HCRTR2: variants seen among roughly 807,000 people sequenced by gnomAD.
HCRTR2 encodes the protein orexin receptor type 2.
HCRTR2 carries 22 observed loss-of-function variants against 49.0 expected under a neutral mutation model. That is an observed-to-expected ratio of 0.45 (90% CI 0.32 to 0.64). The LOEUF is 0.64. Among genes scored for constraint, HCRTR2 ranks in the 30% least tolerant of loss-of-function variants. The pLI is 0.04. For synonymous variants in HCRTR2, 236 were observed against 205.3 expected (o/e 1.15, Z -1.28); for missense variants, 491 against 559.4 (o/e 0.88, Z 1.23).
intron 1 of HCRTR2, among the ~76,000 whole-genome samples, chr6:55,242,547 A>C (rs1177647695): frequency 6.6e-6 from 1 of 152,252 alleles, no homozygotes; most frequent in Non-Finnish European, 1.5e-5. Context: ...TATATTTAGT[A>C]CAGATCCTTT....
chr6:55,148,321 C>T (rs1378443563), intron 1 of HCRTR2, among the ~76,000 whole-genome samples: 1 of 151,864 alleles, frequency 6.6e-6, no homozygotes, highest in Non-Finnish European at 1.5e-5. Flanking sequence ...TAAATGATGA[C>T]CAAAAGAATT....
At chr6:55,139,636 G>T (rs1490041761) in intron 1 of HCRTR2, among the ~76,000 whole-genome samples, 1 of 152,140 alleles carries the variant, frequency 6.6e-6, no homozygotes, top group Non-Finnish European at 1.5e-5. Flanking sequence ...AAGATCAAAG[G>T]AGGTAATGTG....
At chr6:55,165,744 AATATATATATAT>A (rs56655240) in intron 1 of HCRTR2, among the ~76,000 whole-genome samples, 1,973 of 128,296 alleles carry the variant, frequency 0.015, 48 homozygotes, top group African/African-American at 0.039. Context: ...TAGTATACAG[AATATATATATAT>A]ATATATATAT....
intron 1 of HCRTR2, among the ~76,000 whole-genome samples, chr6:55,113,311 G>T (rs528978688): frequency 1.3e-5 from 2 of 152,148 alleles, no homozygotes; most frequent in African/African-American, 4.8e-5. Context: ...CTATTACACA[G>T]CAAGAAAAAT....
At chr6:55,235,200 G>A (rs1766191880) in intron 1 of HCRTR2, among the ~76,000 whole-genome samples, 1 of 152,038 alleles carries the variant, frequency 6.6e-6, no homozygotes, top group African/African-American at 2.4e-5. Flanking sequence ...AGAGGAAATA[G>A]GAAGAGAGCT....
At chr6:55,203,867 C>T (rs1765553577) in intron 1 of HCRTR2, among the ~76,000 whole-genome samples, 1 of 150,988 alleles carries the variant, frequency 6.6e-6, no homozygotes, top group Admixed American at 6.6e-5. Flanking sequence ...ATTGTAAGGA[C>T]TTAAGGTTTT....
chr6:55,131,030 T>A (rs1452569181), intron 1 of HCRTR2, among the ~76,000 whole-genome samples: 2 of 151,856 alleles, frequency 1.3e-5, no homozygotes, highest in African/African-American at 2.4e-5. Context: ...GAGATTAAGC[T>A]GATGATTCAG....
At chr6:55,122,979 A>AG (rs551980578) in intron 1 of HCRTR2, among the ~76,000 whole-genome samples, 1 of 99,188 alleles carries the variant, frequency 1.0e-5, no homozygotes, top group African/African-American at 3.8e-5. Flanking sequence ...GGGTGGGGGG[A>AG]GGGGGAAGGG....
intron 4 of HCRTR2, among the ~76,000 whole-genome samples, chr6:55,276,567 T>A (rs1401681975): frequency 6.6e-6 from 1 of 152,234 alleles, no homozygotes. Flanking sequence ...ATTTTATTGT[T>A]CTGTTCACTA....
chr6:55,169,407 G>C (rs900500223), intron 1 of HCRTR2, among the ~76,000 whole-genome samples: 10 of 151,732 alleles, frequency 6.6e-5, no homozygotes, highest in South Asian at 4.2e-4. Flanking sequence ...GTGGTAATTT[G>C]TGACAAGTAG....
chr6:55,149,424 A>G (rs1255915146), intron 1 of HCRTR2, among the ~76,000 whole-genome samples: 1 of 152,114 alleles, frequency 6.6e-6, no homozygotes, highest in African/African-American at 2.4e-5. Flanking sequence ...AACTGTGGGT[A>G]AAAAGTGAGG....
intron 1 of HCRTR2, among the ~76,000 whole-genome samples, chr6:55,200,562 T>C (rs1043815208): frequency 1.3e-5 from 2 of 152,198 alleles, no homozygotes; most frequent in Non-Finnish European, 2.9e-5. Context: ...TTTCAGTCTA[T>C]CAATTGCTTC....
At chr6:55,110,025 A>G (rs1764027884) in intron 1 of HCRTR2, among the ~76,000 whole-genome samples, 1 of 152,192 alleles carries the variant, frequency 6.6e-6, no homozygotes, top group Non-Finnish European at 1.5e-5. Context: ...CAGATTTGTC[A>G]GCAGAGACCC....
intron 6 of HCRTR2, among the ~76,000 whole-genome samples, chr6:55,281,502 T>C (rs933705136): frequency 5.3e-5 from 8 of 152,214 alleles, no homozygotes; most frequent in Non-Finnish European, 1.0e-4. Context: ...TGACTGCTAT[T>C]GTGCTGGGCC....
At chr6:55,126,833 G>T (rs1764285503) in intron 1 of HCRTR2, among the ~76,000 whole-genome samples, 1 of 152,190 alleles carries the variant, frequency 6.6e-6, no homozygotes, top group African/African-American at 2.4e-5. Context: ...GCTCCAGCCA[G>T]TTTGGTCTTC....
chr6:55,109,513 G>C (rs1183562177), intron 1 of HCRTR2, among the ~76,000 whole-genome samples: 1 of 151,830 alleles, frequency 6.6e-6, no homozygotes, highest in East Asian at 1.9e-4. Context: ...CAGAGAAATA[G>C]GTAGCATAAG....
At chr6:55,268,934 C>T (rs1256625084) in intron 4 of HCRTR2, among the ~76,000 whole-genome samples, 1 of 151,326 alleles carries the variant, frequency 6.6e-6, no homozygotes, top group Non-Finnish European at 1.5e-5. Flanking sequence ...ACTAAAGATA[C>T]AAAAAATTAG....
At position 55,282,340 on chromosome 6, in the gene HCRTR2, G is replaced by T. The variant is rs146899452; in HGVS notation, c.1221G>T (p.Leu407Phe). 183 of 1,613,688 alleles carry T rather than the reference G, an allele frequency of 1.1e-4. No homozygotes were observed. In the Middle Eastern group the frequency reaches 2.0e-3, roughly 17 times the overall value. The change falls in exon 7 of 7, where the codon TTG becomes TTT. Residue 407 changes from leucine (L) to phenylalanine (F), a missense_variant. Transcript: ENST00000370862. Reference protein sequence around the residue: ...GRTSTESRKSLTTQISNFDNI... With the variant: ...GRTSTESRKSFTTQISNFDNI... ...CTAGCACAGAGAGCCGGAAGTCCTT[G>T]ACCACTCAAATCAGCAACTTTGATA...
intron 1 of HCRTR2, among the ~76,000 whole-genome samples, chr6:55,139,139 C>T (rs1244323491): frequency 4.6e-5 from 7 of 152,048 alleles, no homozygotes; most frequent in Non-Finnish European, 1.0e-4. Flanking sequence ...ATGTGGCTAT[C>T]CTAGGGTGAG....
Sources: allele counts gnomAD v4.1 joint callset (sites outside exome capture counted in the v4.1 genomes callset), GRCh38; gene constraint gnomAD v4.1.1; transcripts MANE v1.5; gene names NCBI Gene and HGNC (gene_info 2026-07-23, HGNC 2026-07-21).